The following MEGF8 variants were observed in gnomAD, a reference collection of about 807,000 sequenced individuals.
MEGF8 encodes multiple epidermal growth factor-like domains protein 8.
A neutral mutation model predicts 302.9 loss-of-function variants in MEGF8; 156 were observed. The ratio of observed to expected loss-of-function variants is 0.52; its 90% CI spans 0.45 to 0.59. The LOEUF (loss-of-function observed/expected upper bound fraction) is 0.59. Among genes scored for constraint, MEGF8 ranks in the 20% least tolerant of loss-of-function variants. The pLI, the probability that MEGF8 is intolerant of heterozygous loss-of-function variation, is 0.00. For synonymous variants in MEGF8, 1,621 were observed against 1,660.5 expected (o/e 0.98, Z 0.58); for missense variants, 3,345 against 3,964.5 (o/e 0.84, Z 4.20).
chr19:42,371,519 T>C (rs764505659), intron 41 of MEGF8, 37 bp downstream of exon 41: 6 of 1,612,660 alleles, frequency 3.7e-6, no homozygotes, highest in Non-Finnish European at 5.1e-6. Flanking sequence ...CCGAGGGCCC[T>C]ACACCTTGTG....
chr19:42,348,299 A>T lies in MEGF8; in HGVS notation c.2125A>T (p.Thr709Ser), dbSNP rs1197535601. Residue 709 changes from threonine to serine, a missense_variant, in exon 13 of 42, where the codon ACC (threonine) becomes TCC (serine). Physicochemically the swap from Thr to Ser is moderately conservative, Grantham distance 58. Transcript: ENST00000251268. ...KVSIVRSTTI[T>S]LTPSAETDVS... ...CTCAATTGTCCGCAGCACGACCATC[A>T]CCCTAACACCCAGCGCAGAGACAGA... 1 of 1,537,244 alleles carries T rather than the reference A, an allele frequency of 6.5e-7. No homozygotes were observed. Among genetic ancestry groups the T allele is most frequent in the Non-Finnish European group, 8.7e-7 (1 of 1,146,804 alleles).
intron 34 of MEGF8, 121 bp from the exon 35 acceptor site, chr19:42,362,927 G>A: frequency 2.3e-6 from 2 of 866,212 alleles, no homozygotes; most frequent in Non-Finnish European, 3.6e-6. Flanking sequence ...AGGAGGGGCT[G>A]GGGCTGGATT....
At position 42,344,222 on chromosome 19, in the gene MEGF8, A is replaced by G; in HGVS notation, c.1788+149A>G. The G allele has an allele frequency of 1.5e-6, 2 of 1,323,092 alleles. No homozygotes were observed. The highest frequency in any genetic ancestry group is 1.5e-5 in the South Asian group (1 of 67,040). The allele number at this position is 1,323,092 out of a possible 1,614,324, so 82.0% of individuals were successfully genotyped here. A position where few individuals can be genotyped will look rare whatever the true frequency, so the allele number is the denominator to read the frequency against. On this transcript the variant is annotated intron_variant, in intron 10 of 41. Transcript: ENST00000251268. The surrounding 1 kb of genome is among the most constrained non-coding windows in gnomAD (Gnocchi z 4.5). ...CCTCCTTCCTGATTCCTGACTGCGG[A>G]GCCCTGAACCTTTGCCTATCCCACC...
intron 8 of MEGF8, among the ~76,000 whole-genome samples, chr19:42,338,737 A>C (rs1050600265): frequency 1.3e-5 from 2 of 151,794 alleles, no homozygotes; most frequent in African/African-American, 4.8e-5. Context: ...GCTGATGCAA[A>C]GAACATGATC....
Position 42,369,462 on chromosome 19 carries a change from G to T in MEGF8, c.6642-69G>T, listed in dbSNP as rs2039654320. On this transcript the variant is annotated intron_variant, in intron 37 of 41. Transcript: ENST00000251268. This position sits in a 1 kb window ranked among gnomAD's most constrained non-coding sequence, Gnocchi z 5.7. ...AGTTGAGAAGAGGGTGGGGTAGTTG[G>T]TTGGGTGCTAGGCCATGAAGCCACG... 3 of 1,504,640 alleles carry T rather than the reference G, an allele frequency of 2.0e-6. No individual in the cohort carries two copies. The highest frequency in any genetic ancestry group is 3.6e-5 in the Admixed American group (2 of 55,784). The allele number at this position is 1,504,640 out of a possible 1,614,324, so 93.2% of individuals were successfully genotyped here.
Position 42,344,319 on chromosome 19 carries a change from C to A in MEGF8, c.1789-122C>A. On this transcript the variant is annotated intron_variant, in intron 10 of 41. Transcript: ENST00000251268. This position sits in a 1 kb window ranked among gnomAD's most constrained non-coding sequence, Gnocchi z 4.5. ...CCTCTGGATCTCCCACATTCCAAGTCAACTCCCCGTTCTTCAGTTTTTTCG... is the reference window on the plus strand; with the variant it reads ...CCTCTGGATCTCCCACATTCCAAGTAAACTCCCCGTTCTTCAGTTTTTTCG... 7.8e-7 allele frequency: 1 copy of A among 1,283,066 alleles called. No homozygotes were observed. Among genetic ancestry groups the A allele is most frequent in the Non-Finnish European group, 1.0e-6 (1 of 970,700 alleles). 79.5% of individuals were successfully genotyped at this position (1,283,066 alleles called of 1,614,324 possible).
intron 35 of MEGF8, among the ~76,000 whole-genome samples, chr19:42,364,459 G>A (rs1600068363): frequency 6.6e-6 from 1 of 152,194 alleles, no homozygotes; most frequent in Non-Finnish European, 1.5e-5. Context: ...TAAGTGATCA[G>A]TCCAGCCACC....
At position 42,376,253 on chromosome 19, in the gene MEGF8, C is replaced by T. The variant is rs1241658742; in HGVS notation, c.8016C>T (p.Ala2672=). The T allele has an allele frequency of 3.1e-6, 5 of 1,609,648 alleles. No homozygotes were observed. The South Asian group carries it at 5.5e-5, about 18-fold the overall frequency. ...FLSLCVLLWK[A]KQALDQRQEQ... Reference sequence around the variant, plus strand: ...CACTCTGTGTGCTCCTCTGGAAGGCCAAGCAGGCTCTGGACCAGCGGCAGG... The same window carrying T: ...CACTCTGTGTGCTCCTCTGGAAGGCTAAGCAGGCTCTGGACCAGCGGCAGG... Residue 2672 remains alanine, a synonymous_variant, in exon 42 of 42, where the codon GCC becomes GCT. Coordinates refer to ENST00000251268, the MANE Select transcript of MEGF8 (RefSeq NM_001271938.2). The surrounding 1 kb of genome is among the most constrained non-coding windows in gnomAD (Gnocchi z 8.2).
At chr19:42,372,786 C>T (rs1344967881) in intron 41 of MEGF8, among the ~76,000 whole-genome samples, 1 of 152,052 alleles carries the variant, frequency 6.6e-6, no homozygotes, top group Admixed American at 6.6e-5. Flanking sequence ...GATTATCCTG[C>T]CTCAGCTTCC....
In MEGF8 at chr19:42,369,350, G is replaced by A. The variant is rs1427206270; in HGVS notation, c.6642-181G>A. ...AAAATAGGGTACCCTCAAAAGAGGA[G>A]AGAGGGTTGTGGGCTACACCTGGAG... On this transcript the variant is annotated intron_variant, in intron 37 of 41. Transcript: ENST00000251268. This position sits in a 1 kb window ranked among gnomAD's most constrained non-coding sequence, Gnocchi z 5.7. Among the ~76,000 whole-genome samples, 1 of 152,240 alleles carries A rather than the reference G, an allele frequency of 6.6e-6. No homozygotes were observed. The highest frequency in any genetic ancestry group is 1.5e-5 in the Non-Finnish European group (1 of 68,040).
chr19:42,353,382 G>T lies in MEGF8; in HGVS notation c.3551-83G>T. 6.8e-7 allele frequency: 1 copy of T among 1,463,720 alleles called. No homozygotes were observed. The highest frequency in any genetic ancestry group is 9.3e-7 in the Non-Finnish European group (1 of 1,077,740). 90.7% of individuals were successfully genotyped at this position (1,463,720 alleles called of 1,614,324 possible). On this transcript the variant is annotated intron_variant, in intron 20 of 41. Transcript: ENST00000251268. The surrounding 1 kb of genome is among the most constrained non-coding windows in gnomAD (Gnocchi z 6.1). ...TCTCACCTTTGAAGCGGCTGGGTGG[G>T]GTCAGGGTTTAGCTGAGCCAGTAGG...
At position 42,363,056 on chromosome 19, in the gene MEGF8, C is replaced by T. The variant is rs747210470; in HGVS notation, c.6067C>T (p.Arg2023Cys). 6 of 1,612,522 alleles carry T rather than the reference C, an allele frequency of 3.7e-6. No individual in the cohort carries two copies. Among genetic ancestry groups the T allele is most frequent in the African/African-American group, 1.3e-5 (1 of 74,936 alleles). ...CCGTGCCCCACCCCCAGGGGAGACCCGCCGCATCCTCTCCGTGCAGCCCAC... is the reference window on the plus strand; with the variant it reads ...CCGTGCCCCACCCCCAGGGGAGACCTGCCGCATCCTCTCCGTGCAGCCCAC... ...TRQFKRTGET[R>C]RILSVQPTYD... The change falls in exon 35 of 42, where the codon CGC (arginine) becomes TGC (cysteine). Residue 2023 changes from arginine (R) to cysteine (C), a missense_variant. Coordinates refer to ENST00000251268, the MANE Select transcript of MEGF8 (RefSeq NM_001271938.2).
At position 42,357,848 on chromosome 19, in the gene MEGF8, C is replaced by A. The variant is rs985287721; in HGVS notation, c.5011+264C>A. Among the ~76,000 whole-genome samples the A allele has an allele frequency of 1.3e-5, 2 of 152,196 alleles. No homozygotes were observed. Among genetic ancestry groups the A allele is most frequent in the African/African-American group, 4.8e-5 (2 of 41,452 alleles). On this transcript the variant is annotated intron_variant, in intron 28 of 41. Transcript: ENST00000251268. The surrounding 1 kb of genome is among the most constrained non-coding windows in gnomAD (Gnocchi z 5.2). ...CTGAGCTCCCTGCTTCTCAAGGGTT[C>A]TTCCTCGATCACACCTCCTTTCTTT...
chr19:42,354,555 T>C lies in MEGF8; in HGVS notation c.4012-33T>C. 6.3e-7 allele frequency: 1 copy of C among 1,591,094 alleles called. No individual in the cohort carries two copies. The highest frequency in any genetic ancestry group is 1.3e-5 in the African/African-American group (1 of 74,624). On this transcript the variant is annotated intron_variant, in intron 22 of 41. Coordinates refer to ENST00000251268, the MANE Select transcript of MEGF8 (RefSeq NM_001271938.2). This position sits in a 1 kb window ranked among gnomAD's most constrained non-coding sequence, Gnocchi z 4.3. ...CCCCAGGTGTCGTTCTCATCCTCATTGTCTCCTAATCCTCGATTCTGCACC... is the reference window on the plus strand; with the variant it reads ...CCCCAGGTGTCGTTCTCATCCTCATCGTCTCCTAATCCTCGATTCTGCACC...
rs1281105323 is a variant in MEGF8, at chr19:42,351,230, G to A, written c.2751G>A (p.Glu917=). The stretch of plus-strand genomic sequence containing the variant: ...CTGACCCCCAGGACCCCTTCTGTGA[G>A]TGGCATCAGAGCACCAGCCGCAAAG... ...CHACTQDPFC[E]WHQSTSRKGD... Residue 917 remains glutamate (E), a synonymous_variant, in exon 16 of 42, where the codon GAG becomes GAA. Transcript: ENST00000251268. This position sits in a 1 kb window ranked among gnomAD's most constrained non-coding sequence, Gnocchi z 5.6. 4.5e-6 allele frequency: 7 copies of A among 1,562,934 alleles called. No individual in the cohort carries two copies. In the East Asian group the frequency reaches 1.7e-4, roughly 37 times the overall value.
chr19:42,357,579 C>A lies in MEGF8; in HGVS notation c.5006C>A (p.Pro1669His). The A allele has an allele frequency of 6.2e-7, 1 of 1,602,308 alleles. No homozygotes were observed. The highest frequency in any genetic ancestry group is 1.7e-5 in the Admixed American group (1 of 57,948). ...WVSGAQSGTP[P>H]TGLYGHSAVY... ...TCAGGAGCCCAGAGTGGGACACCCC[C>A]CACAGGTGGGGCTGGGGACCGGGAG... The change falls in exon 28 of 42, where the codon CCC becomes CAC. Residue 1669 changes from proline to histidine, a missense_variant. Transcript: ENST00000251268. The surrounding 1 kb of genome is among the most constrained non-coding windows in gnomAD (Gnocchi z 5.2).
intron 41 of MEGF8, among the ~76,000 whole-genome samples, chr19:42,374,891 G>T (rs571535572): frequency 8.5e-5 from 13 of 152,312 alleles, no homozygotes; most frequent in African/African-American, 2.9e-4. Flanking sequence ...TGAGAAGGAG[G>T]CTCTTGAGCA....
rs1344464979 is a variant in MEGF8 at position 42,377,096 on chromosome 19, A to ACAT, written c.*322_*324dup. ...ACCCCACACGCATACACACATGAAC[A>ACAT]CATGCACATGTGCACACACAAGTAA... On this transcript the variant is annotated 3_prime_UTR_variant, in exon 42 of 42. Transcript: ENST00000251268. 3 of 323,912 alleles carry ACAT rather than the reference A, an allele frequency of 9.3e-6. No homozygotes were observed. Among genetic ancestry groups the ACAT allele is most frequent in the Non-Finnish European group, 1.7e-5 (3 of 177,872 alleles). The allele number at this position is 323,912 out of a possible 1,614,324, so 20.1% of individuals were successfully genotyped here.
At position 42,356,482 on chromosome 19, in the gene MEGF8, C is replaced by A; in HGVS notation, c.4622+29C>A. The A allele has an allele frequency of 2.0e-6, 3 of 1,519,770 alleles. No homozygotes were observed. The South Asian group carries it at 3.8e-5, about 19-fold the overall frequency. 94.1% of individuals were successfully genotyped at this position (1,519,770 alleles called of 1,614,324 possible). A position where few individuals can be genotyped will look rare whatever the true frequency, so the allele number is the denominator to read the frequency against. ...AGGACTGCCCTGGGCAGGTGGGATT[C>A]GCAAATAAGAGAAGGTCACCTCGGG... On this transcript the variant is annotated intron_variant, in intron 26 of 41. Transcript: ENST00000251268. This position sits in a 1 kb window ranked among gnomAD's most constrained non-coding sequence, Gnocchi z 5.2.
Sources: gnomAD v4.1 joint callset for allele counts (sites outside exome capture counted in the v4.1 genomes callset) on GRCh38, gnomAD v4.1.1 for gene constraint, Gnocchi (gnomAD v3.1) non-coding constraint, MANE v1.5 for transcripts, NCBI Gene and HGNC (gene_info 2026-07-23, HGNC 2026-07-21) for gene names.